MARF1: variants seen among roughly 807,000 people sequenced by gnomAD.
MARF1 encodes the protein limkain-b1.
MARF1 carries 24 observed loss-of-function variants against 168.2 expected under a neutral mutation model. That is an observed-to-expected ratio of 0.14 (90% confidence interval 0.10 to 0.20). The LOEUF (loss-of-function observed/expected upper bound fraction) is 0.20. MARF1 is among the 10% of genes least tolerant of loss of function. The pLI is 1.00. For synonymous variants in MARF1, 868 were observed against 822.4 expected, an observed-to-expected ratio of 1.06 and a Z score of -0.95; for missense variants, 1,744 against 2,143.6, an observed-to-expected ratio of 0.81 and a Z score of 3.68.
Position 15,636,349 on chromosome 16 carries a change from AAAG to A in MARF1, c.145-10_145-8del, listed in dbSNP as rs751244948. 6 of 1,523,588 alleles carry A rather than the reference AAAG, an allele frequency of 3.9e-6. No homozygotes were observed. The African/African-American group carries it at 8.4e-5, about 21-fold the overall frequency. The allele number at this position is 1,523,588 out of a possible 1,614,324, so 94.4% of individuals were successfully genotyped here. On this transcript the variant is annotated splice_polypyrimidine_tract_variant and splice_region_variant and intron_variant, in intron 2 of 26. Transcript: ENST00000396368. Reference sequence around the variant, plus strand: ...TGTTCTCCATGTACTCTTTCTGAGAAAAGAAAATCAGAACATAAATTAATTTTA... The same window carrying A: ...TGTTCTCCATGTACTCTTTCTGAGAAAAAATCAGAACATAAATTAATTTTA...
At chr16:15,605,521 C>T (rs1470289628) in intron 21 of MARF1, among the ~76,000 whole-genome samples, 3 of 152,072 alleles carry the variant, frequency 2.0e-5, no homozygotes, top group Non-Finnish European at 4.4e-5. Flanking sequence ...CGATACAAGT[C>T]CAGGGGATCC....
At chr16:15,609,786 T>G in intron 19 of MARF1, 61 bp from the exon 20 acceptor site, 5 of 1,355,720 alleles carry the variant, frequency 3.7e-6, no homozygotes, top group Non-Finnish European at 5.2e-6. Context: ...GTGTTCAACA[T>G]CCACACTAGA....
Position 15,608,278 on chromosome 16 carries a change from A to AC in MARF1, c.4182+12_4182+13insG. 2 of 1,495,494 alleles carry AC rather than the reference A, an allele frequency of 1.3e-6. No homozygotes were observed. The highest frequency in any genetic ancestry group is 1.4e-5 in the African/African-American group (1 of 70,772). The allele number at this position is 1,495,494 out of a possible 1,614,324, so 92.6% of individuals were successfully genotyped here. On this transcript the variant is annotated intron_variant, in intron 21 of 26. Transcript: ENST00000396368. ...CATGAGGGAAAAAAAAAAAAAAAAA[A>AC]AAAAACATTTACCTTCACGACATGG...
Position 15,596,682 on chromosome 16 carries a change from C to T in MARF1, c.*11G>A, listed in dbSNP as rs771899394. On this transcript the variant is annotated 3_prime_UTR_variant, in exon 27 of 27. Coordinates refer to ENST00000396368, the MANE Select transcript of MARF1 (RefSeq NM_014647.4). ...TGTTTTCCCATCCTAATTCTATATT[C>T]CAAATGGGAGTTAAAGCTTGGTTAT... 1.0e-5 allele frequency: 16 copies of T among 1,567,482 alleles called. No homozygotes were observed. Among genetic ancestry groups the T allele is most frequent in the African/African-American group, 1.4e-5 (1 of 73,638 alleles).
At chr16:15,604,063 G>T in intron 22 of MARF1, 105 bp downstream of exon 22, 1 of 869,884 alleles carries the variant, frequency 1.1e-6, no homozygotes, top group East Asian at 2.6e-5. Context: ...TGGTCTCTCG[G>T]GTCCCTTCCA....
At chr16:15,624,714 C>T in intron 10 of MARF1, 55 bp downstream of exon 10, 3 of 1,510,918 alleles carry the variant, frequency 2.0e-6, no homozygotes, top group Non-Finnish European at 1.8e-6. Flanking sequence ...CATACTATTT[C>T]ATAATCCTTC....
At position 15,625,102 on chromosome 16, in the gene MARF1, G is replaced by A. The variant is rs745419437; in HGVS notation, c.2025C>T (p.Val675=). The change falls in exon 9 of 27, where the codon GTC becomes GTT. Residue 675 remains valine, a synonymous_variant. Coordinates refer to ENST00000396368, the MANE Select transcript of MARF1 (RefSeq NM_014647.4). ...SEHQQGHLRL[V]VPTHGNSSAA... is the part of the protein sequence containing the mutation. The stretch of plus-strand genomic sequence containing the variant: ...CACTTGAGTTACCGTGAGTGGGTAC[G>A]ACCAGCCTCAGGTGACCTTGCTGGT... The A allele has an allele frequency of 5.0e-6, 8 of 1,614,124 alleles. No homozygotes were observed. Among genetic ancestry groups the A allele is most frequent in the South Asian group, 1.1e-5 (1 of 91,080 alleles).
intron 16 of MARF1, among the ~76,000 whole-genome samples, chr16:15,614,210 C>T (rs1048885065): frequency 1.9e-4 from 29 of 151,970 alleles, no homozygotes; most frequent in Admixed American, 1.1e-3. Flanking sequence ...CGGCCAGGTG[C>T]GGTGGCTCAC....
At chr16:15,635,489 C>T (rs1460508639) in intron 3 of MARF1, 167 bp downstream of exon 3, 4 of 616,852 alleles carry the variant, frequency 6.5e-6, no homozygotes, top group Admixed American at 3.1e-5. Context: ...TCCCATCTTA[C>T]CCTTTGTTTC....
chr16:15,608,775 A>G (rs1021676196), intron 20 of MARF1: 8 of 471,818 alleles, frequency 1.7e-5, no homozygotes, highest in African/African-American at 1.5e-4. Context: ...GCCACAATAA[A>G]ACAATTTTTA....
chr16:15,622,814 T>G (rs2034560153), intron 11 of MARF1, 120 bp downstream of exon 11: 7 of 718,806 alleles, frequency 9.7e-6, no homozygotes, highest in Non-Finnish European at 1.5e-5. Flanking sequence ...AAGGAAGGAG[T>G]TCAAACTTGT....
intron 23 of MARF1, 118 bp downstream of exon 23, chr16:15,601,873 G>T (rs1051939259): frequency 1.6e-5 from 13 of 817,934 alleles, no homozygotes; most frequent in Non-Finnish European, 2.7e-5. Flanking sequence ...GTTTTGAAAG[G>T]ATCAATTCAA....
At chr16:15,634,233 T>C in intron 4 of MARF1, among the ~76,000 whole-genome samples, 1 of 152,214 alleles carries the variant, frequency 6.6e-6, no homozygotes, top group Non-Finnish European at 1.5e-5. Context: ...TACTTGGTAG[T>C]AACCAACACT....
At chr16:15,603,894 A>G (rs1170434388) in intron 22 of MARF1, among the ~76,000 whole-genome samples, 1 of 152,110 alleles carries the variant, frequency 6.6e-6, no homozygotes, top group Non-Finnish European at 1.5e-5. Context: ...TGGGACAAAC[A>G]CACCCCAGAG....
intron 22 of MARF1, chr16:15,602,728 G>A (rs111835977): frequency 2.3e-5 from 10 of 440,590 alleles, no homozygotes; most frequent in African/African-American, 4.2e-5. Flanking sequence ...TTTGCAAGTC[G>A]AAGGCTGCAG....
intron 6 of MARF1, 127 bp from the exon 7 acceptor site, chr16:15,630,631 G>C (rs1237353214): frequency 1.3e-6 from 1 of 746,268 alleles, no homozygotes; most frequent in Non-Finnish European, 2.0e-6. Context: ...TGCTTCCCCC[G>C]TTTCTTAGGA....
intron 17 of MARF1, among the ~76,000 whole-genome samples, chr16:15,612,036 T>C (rs527603219): frequency 1.2e-4 from 18 of 152,312 alleles, no homozygotes; most frequent in African/African-American, 4.1e-4. Flanking sequence ...GAAAACTGTA[T>C]TGGTTGTCCA....
At chr16:15,634,525 A>T (rs2035457693) in intron 4 of MARF1, among the ~76,000 whole-genome samples, 1 of 152,056 alleles carries the variant, frequency 6.6e-6, no homozygotes, top group Non-Finnish European at 1.5e-5. Context: ...CTGATATACT[A>T]CCAATTTTTC....
intron 14 of MARF1, 30 bp from the exon 15 acceptor site, chr16:15,617,201 G>C (rs1269253675): frequency 3.7e-6 from 6 of 1,612,904 alleles, no homozygotes; most frequent in Non-Finnish European, 5.1e-6. Flanking sequence ...ATTGGAAGCT[G>C]ACATTCCGCA....
Sources: allele counts gnomAD v4.1 joint callset (sites outside exome capture counted in the v4.1 genomes callset), GRCh38; gene constraint gnomAD v4.1.1; transcripts MANE v1.5; gene names NCBI Gene and HGNC (gene_info 2026-07-23, HGNC 2026-07-21).